CAMTA1: variants seen among roughly 807,000 people sequenced by gnomAD.
CAMTA1 encodes the protein calmodulin binding transcription activator 1.
Under a neutral mutation model 170.9 loss-of-function variants are expected in CAMTA1, and 27 were observed. That is an observed-to-expected ratio of 0.16 (90% CI 0.12 to 0.22). The LOEUF (loss-of-function observed/expected upper bound fraction) is 0.22. CAMTA1 is among the 10% of genes least tolerant of loss of function. The pLI is 1.00. For synonymous variants in CAMTA1, 833 were observed against 891.5 expected (o/e 0.93, Z 1.17); for missense variants, 1,619 against 2,217.2 (o/e 0.73, Z 5.42).
intron 4 of CAMTA1, among the ~76,000 whole-genome samples, chr1:7,106,270 G>GAGAGAGAA (rs1310297496): frequency 6.6e-6 from 1 of 151,524 alleles, no homozygotes; most frequent in African/African-American, 2.4e-5. Flanking sequence ...GAGAGAGAGA[G>GAGAGAGAA]AGAAAGAAAG....
At chr1:6,822,820 A>G (rs1158698323) in intron 2 of CAMTA1, among the ~76,000 whole-genome samples, 1 of 151,448 alleles carries the variant, frequency 6.6e-6, no homozygotes, top group Non-Finnish European at 1.5e-5. Context: ...ACACACACAC[A>G]CACACAAACA....
intron 4 of CAMTA1, among the ~76,000 whole-genome samples, chr1:7,134,191 A>C (rs6656689): frequency 0.23 from 34,515 of 152,120 alleles, 4,130 homozygotes; most frequent in Non-Finnish European, 0.26. Flanking sequence ...TAGGATTATG[A>C]CCTCCACCTG....
intron 7 of CAMTA1, among the ~76,000 whole-genome samples, chr1:7,645,613 G>A (rs1159333961): frequency 6.6e-6 from 1 of 152,244 alleles, no homozygotes; most frequent in African/African-American, 2.4e-5. Flanking sequence ...CTTCCTGCAG[G>A]CTTCGAAGGC....
intron 11 of CAMTA1, among the ~76,000 whole-genome samples, chr1:7,710,981 G>C (rs1194064996): frequency 6.6e-6 from 1 of 152,136 alleles, no homozygotes; most frequent in African/African-American, 2.4e-5. Context: ...TACACCCCTG[G>C]AGCCAAGAAT....
chr1:7,710,320 C>T (rs769440144), intron 11 of CAMTA1, among the ~76,000 whole-genome samples: 10 of 152,098 alleles, frequency 6.6e-5, no homozygotes, highest in Non-Finnish European at 1.5e-4. Flanking sequence ...GGGAACTTGG[C>T]CGTGTGTTGG....
intron 3 of CAMTA1, among the ~76,000 whole-genome samples, chr1:7,032,572 GTTGT>G (rs1207786494): frequency 6.6e-6 from 1 of 152,002 alleles, no homozygotes; most frequent in African/African-American, 2.4e-5. Context: ...GCTTTAAGTA[GTTGT>G]TTATCTTTTT....
chr1:6,879,047 G>A (rs1440158229), intron 3 of CAMTA1, among the ~76,000 whole-genome samples: 2 of 152,176 alleles, frequency 1.3e-5, no homozygotes, highest in Non-Finnish European at 2.9e-5. Context: ...TTGCTGAACA[G>A]TGAATTACCT....
intron 5 of CAMTA1, among the ~76,000 whole-genome samples, chr1:7,310,040 A>G (rs1676222284): frequency 6.6e-6 from 1 of 152,178 alleles, no homozygotes; most frequent in Non-Finnish European, 1.5e-5. Flanking sequence ...TACTTCTGGT[A>G]TCTAATTTTC....
At chr1:7,514,322 G>A (rs898975920) in intron 6 of CAMTA1, among the ~76,000 whole-genome samples, 1 of 152,226 alleles carries the variant, frequency 6.6e-6, no homozygotes, top group African/African-American at 2.4e-5. Context: ...CAAACACAGG[G>A]CAGACAGGCA....
chr1:7,707,036 G>C (rs553591797), intron 11 of CAMTA1, among the ~76,000 whole-genome samples: 1 of 151,526 alleles, frequency 6.6e-6, no homozygotes, highest in Non-Finnish European at 1.5e-5. Flanking sequence ...ACAGGTGCGC[G>C]CCACCATGCC....
At chr1:7,383,394 A>T (rs2087571990) in intron 5 of CAMTA1, among the ~76,000 whole-genome samples, 1 of 152,126 alleles carries the variant, frequency 6.6e-6, no homozygotes, top group African/African-American at 2.4e-5. Context: ...AGCAATCTGG[A>T]ATACAGACTC....
At chr1:7,214,553 A>G (rs1659400554) in intron 4 of CAMTA1, among the ~76,000 whole-genome samples, 1 of 152,038 alleles carries the variant, frequency 6.6e-6, no homozygotes, top group Admixed American at 6.6e-5. Flanking sequence ...TTTTTAGTAG[A>G]GACAGGGTTT....
rs1489698535 is a variant in CAMTA1 at position 7,044,486 on chromosome 1, C to G, written c.235-46818C>G. Among the ~76,000 whole-genome samples the G allele has an allele frequency of 6.6e-6, 1 of 152,298 alleles. No homozygotes were observed. Among genetic ancestry groups the G allele is most frequent in the East Asian group, 1.9e-4 (1 of 5,168 alleles). ...CAGATCATGCCCCTCTGCATGTAAC[C>G]GATGGCACAAACACCAGGCCTTCAG... On this transcript the variant is annotated intron_variant, in intron 3 of 22. Coordinates refer to ENST00000303635, the MANE Select transcript of CAMTA1 (RefSeq NM_015215.4). The surrounding 1 kb of genome is among the most constrained non-coding windows in gnomAD (Gnocchi z 5.0).
At chr1:7,263,096 T>C (rs550956828) in intron 5 of CAMTA1, among the ~76,000 whole-genome samples, 1 of 152,340 alleles carries the variant, frequency 6.6e-6, no homozygotes, top group East Asian at 1.9e-4. Flanking sequence ...GCATTTTTTT[T>C]TTCCCTTTCA....
Position 7,681,024 on chromosome 1 carries a change from G to T in CAMTA1, c.2914+3291G>T, listed in dbSNP as rs942043360. ...GGGACCCGACGTCCCCAAAATCTCA[G>T]CTGGGGCGCAGCCATCCTGGGAGAG... On this transcript the variant is annotated intron_variant, in intron 11 of 22. Coordinates refer to ENST00000303635, the MANE Select transcript of CAMTA1 (RefSeq NM_015215.4). This position sits in a 1 kb window ranked among gnomAD's most constrained non-coding sequence, Gnocchi z 4.6. 3.9e-5 allele frequency among the ~76,000 whole-genome samples: 6 copies of T among 152,160 alleles called. No individual in the cohort carries two copies. The highest frequency in any genetic ancestry group is 2.6e-4 in the Admixed American group (4 of 15,288).
intron 4 of CAMTA1, among the ~76,000 whole-genome samples, chr1:7,201,258 T>TTTCATTATATGGATATAACTCATTTGGC (rs1483464018): frequency 6.6e-6 from 1 of 152,252 alleles, no homozygotes; most frequent in South Asian, 2.1e-4. Flanking sequence ...CTGAATAATA[T>TTTCATTATATGGATATAACTCATTTGGC]TTCATTATAT....
At chr1:7,434,744 A>G (rs1209220) in intron 5 of CAMTA1, among the ~76,000 whole-genome samples, 82,945 of 151,868 alleles carry the variant, frequency 0.55, 24,490 homozygotes, top group East Asian at 0.76. Flanking sequence ...AGTGGTGGAC[A>G]GTAGTGGGGA....
At chr1:7,727,366 C>T (rs371811901) in intron 11 of CAMTA1, among the ~76,000 whole-genome samples, 10 of 152,330 alleles carry the variant, frequency 6.6e-5, no homozygotes, top group Admixed American at 2.6e-4. Context: ...TTGTGATCCA[C>T]CTGCCTCGGT....
rs1212915753 is a variant in CAMTA1 at position 7,680,448 on chromosome 1, ACACT to A, written c.2914+2717_2914+2720del. On this transcript the variant is annotated intron_variant, in intron 11 of 22. Coordinates refer to ENST00000303635, the MANE Select transcript of CAMTA1 (RefSeq NM_015215.4). This position sits in a 1 kb window ranked among gnomAD's most constrained non-coding sequence, Gnocchi z 4.4. ...ACGGCTGCCGGCGGCGCGCGTGCACACACTCTCTCCCACGCGCGCGCCCTCCCGC... is the reference window on the plus strand; with the variant it reads ...ACGGCTGCCGGCGGCGCGCGTGCACACTCTCCCACGCGCGCGCCCTCCCGC... Among the ~76,000 whole-genome samples, 1 of 151,866 alleles carries A rather than the reference ACACT, an allele frequency of 6.6e-6. No individual in the cohort carries two copies. The highest frequency in any genetic ancestry group is 1.5e-5 in the Non-Finnish European group (1 of 67,922).
Sources: gnomAD v4.1 joint callset for allele counts (sites outside exome capture counted in the v4.1 genomes callset) on GRCh38, gnomAD v4.1.1 for gene constraint, Gnocchi (gnomAD v3.1) non-coding constraint, MANE v1.5 for transcripts, NCBI Gene and HGNC (gene_info 2026-07-23, HGNC 2026-07-21) for gene names.